Variants in CFAP47 observed in about 807,000 individuals in gnomAD.
CFAP47 encodes the protein cilia- and flagella-associated protein 47.
In CFAP47, 29 loss-of-function variants were observed where a neutral mutation model predicts 148.1. The observed-to-expected ratio is 0.20, with a 90% CI of 0.15 to 0.27. The LOEUF (loss-of-function observed/expected upper bound fraction) is 0.27. Among genes scored for constraint, CFAP47 ranks in the 10% least tolerant of loss-of-function variants. CFAP47 has a pLI of 1.00. For missense variants in CFAP47, 1,872 were observed against 1,697.5 expected, an observed-to-expected ratio of 1.10 and a Z score of -1.81; for synonymous variants, 664 against 577.3, an observed-to-expected ratio of 1.15 and a Z score of -2.15.
chrX:36,060,003 C>T (rs1055286849), intron 26 of CFAP47, among the ~76,000 whole-genome samples: 4 of 111,219 alleles, frequency 3.6e-5, no homozygotes, highest in Non-Finnish European at 7.5e-5. Context: ...GTGATCTGTA[C>T]ACACTGGCTC....
rs977887614 is a variant in CFAP47, at chrX:36,000,414, T to C, written c.3309T>C (p.Leu1103=). The change falls in exon 20 of 64, where the codon CTT becomes CTC. Residue 1103 remains leucine (L), a synonymous_variant. Transcript: ENST00000378653. ...ACTTTCCGGATTTTTCAATGGATCT[T>C]AAAGACAAATCAGGTATATATTTTG... ...LKDFPDFSMD[L]KDKSEEFKDP... is the part of the protein sequence containing the mutation. The C allele has an allele frequency of 1.0e-5, 3 of 293,223 alleles. No homozygotes were observed. The highest frequency in any genetic ancestry group is 8.3e-5 in the African/African-American group (3 of 36,249). 24.2% of individuals were successfully genotyped at this position (293,223 alleles called of 1,213,427 possible).
chrX:36,311,712 G>T (rs1031918536), intron 56 of CFAP47, among the ~76,000 whole-genome samples: 3 of 111,030 alleles, frequency 2.7e-5, no homozygotes, highest in Non-Finnish European at 5.7e-5. Flanking sequence ...AATTCATGCT[G>T]CAATTAGAAG....
chrX:36,250,389 T>C (rs1205766940), intron 48 of CFAP47, among the ~76,000 whole-genome samples: 2 of 110,229 alleles, frequency 1.8e-5, no homozygotes, highest in African/African-American at 6.6e-5. Flanking sequence ...AGTAGAATGG[T>C]GGTTATCAGG....
intron 57 of CFAP47, among the ~76,000 whole-genome samples, chrX:36,344,634 C>CT (rs1209159721): frequency 1.8e-5 from 2 of 111,812 alleles, no homozygotes; most frequent in African/African-American, 3.2e-5. Flanking sequence ...GTGAGCTACT[C>CT]TTTTTTTATC....
At chrX:36,299,750 A>C (rs1220226818) in intron 52 of CFAP47, among the ~76,000 whole-genome samples, 2 of 111,627 alleles carry the variant, frequency 1.8e-5, no homozygotes, top group Non-Finnish European at 3.8e-5. Context: ...TATAAGTGAA[A>C]TTTGTCTTTC....
intron 29 of CFAP47, among the ~76,000 whole-genome samples, chrX:36,083,732 G>A (rs1333378230): frequency 1.8e-5 from 2 of 110,979 alleles, no homozygotes; most frequent in African/African-American, 6.5e-5. Flanking sequence ...TCTCCAAATA[G>A]GGGATTCTCA....
intron 57 of CFAP47, among the ~76,000 whole-genome samples, chrX:36,328,452 A>G (rs901868330): frequency 8.9e-6 from 1 of 112,311 alleles, no homozygotes; most frequent in African/African-American, 3.2e-5. Flanking sequence ...GATATTGAAA[A>G]GCTTGTTATA....
At chrX:35,977,074 G>T (rs1465292560) in intron 15 of CFAP47, among the ~76,000 whole-genome samples, 2 of 111,963 alleles carry the variant, frequency 1.8e-5, no homozygotes, top group Non-Finnish European at 3.8e-5. Context: ...TAGCAATTAA[G>T]AAGTTGAATG....
At chrX:36,294,690 C>T (rs782800113) in intron 51 of CFAP47, among the ~76,000 whole-genome samples, 41 of 109,078 alleles carry the variant, frequency 3.8e-4, no homozygotes, top group Admixed American at 7.9e-4. Context: ...CCAGCCTGGG[C>T]GACAGAGTGA....
intron 51 of CFAP47, among the ~76,000 whole-genome samples, chrX:36,296,835 T>G (rs1941247145): frequency 8.9e-6 from 1 of 111,944 alleles, no homozygotes; most frequent in Non-Finnish European, 1.9e-5. Context: ...TTCTAGTGGT[T>G]GTTATTTTTG....
At chrX:36,112,982 G>A (rs927161452) in intron 33 of CFAP47, among the ~76,000 whole-genome samples, 6 of 112,010 alleles carry the variant, frequency 5.4e-5, no homozygotes, top group African/African-American at 1.9e-4. Context: ...GACTATGGGT[G>A]TCATTGCATA....
chrX:36,211,519 C>G, intron 45 of CFAP47: 1 of 306,629 alleles, frequency 3.3e-6, no homozygotes, highest in African/African-American at 2.7e-5. Context: ...TGGAATAACA[C>G]TGCTGCAGAT....
At chrX:35,924,080 T>C (rs756157499) in intron 1 of CFAP47, among the ~76,000 whole-genome samples, 6 of 84,188 alleles carry the variant, frequency 7.1e-5, no homozygotes, top group African/African-American at 1.3e-4. Flanking sequence ...TGTATATATG[T>C]ACATGTATGC....
At chrX:35,977,520 A>G (rs751858988) in intron 15 of CFAP47, among the ~76,000 whole-genome samples, 1 of 110,227 alleles carries the variant, frequency 9.1e-6, no homozygotes, top group African/African-American at 3.3e-5. Flanking sequence ...GTTTCCTTCC[A>G]TCTTTCCTCC....
chrX:36,341,850 A>G (rs1174931083), intron 57 of CFAP47, among the ~76,000 whole-genome samples: 3 of 111,020 alleles, frequency 2.7e-5, no homozygotes, highest in African/African-American at 3.3e-5. Context: ...TAAAATATAT[A>G]TACATGTGTA....
chrX:36,077,486 C>T (rs968029352), intron 29 of CFAP47, among the ~76,000 whole-genome samples: 1 of 107,747 alleles, frequency 9.3e-6, no homozygotes, highest in Non-Finnish European at 1.9e-5. Flanking sequence ...ATCTTTCACC[C>T]CCTTGGTCAG....
At chrX:36,198,384 T>C (rs1157049112) in intron 42 of CFAP47, among the ~76,000 whole-genome samples, 1 of 112,079 alleles carries the variant, frequency 8.9e-6, no homozygotes, top group Non-Finnish European at 1.9e-5. Flanking sequence ...GTTAAGATAC[T>C]GGGTTGTGGA....
intron 57 of CFAP47, among the ~76,000 whole-genome samples, chrX:36,343,128 C>A (rs782805911): frequency 9.0e-6 from 1 of 111,577 alleles, no homozygotes; most frequent in Non-Finnish European, 1.9e-5. Flanking sequence ...CACGTCCCTG[C>A]AAAAGACATG....
intron 42 of CFAP47, among the ~76,000 whole-genome samples, chrX:36,199,836 C>CA (rs1555987771): frequency 8.9e-4 from 99 of 111,464 alleles, no homozygotes; most frequent in African/African-American, 3.1e-3. Context: ...ATTTTAATGC[C>CA]TCTCTGGGAC....
Sources: gnomAD v4.1 joint callset for allele counts (sites outside exome capture counted in the v4.1 genomes callset) on GRCh38, gnomAD v4.1.1 for gene constraint, MANE v1.5 for transcripts, NCBI Gene and HGNC (gene_info 2026-07-23, HGNC 2026-07-21) for gene names.